The following NIPBL variants were observed in gnomAD, a reference collection of about 807,000 sequenced individuals.
The protein encoded by NIPBL is NIPBL cohesin loading factor.
A neutral mutation model predicts 321.8 loss-of-function variants in NIPBL; 19 were observed. The observed-to-expected ratio is 0.06, with a 90% CI of 0.04 to 0.09. The LOEUF is 0.09. Among genes scored for constraint, NIPBL ranks in the 10% least tolerant of loss-of-function variants. NIPBL has a pLI of 1.00. For missense variants in NIPBL, 2,210 were observed against 3,327.0 expected (o/e 0.66, Z 8.26); for synonymous variants, 1,106 against 1,114.1 (o/e 0.99, Z 0.14).
At chr5:36,894,815 A>G (rs1024160286) in intron 1 of NIPBL, among the ~76,000 whole-genome samples, 1 of 152,172 alleles carries the variant, frequency 6.6e-6, no homozygotes, top group Non-Finnish European at 1.5e-5. Flanking sequence ...CTTACTGTAT[A>G]TCAAGCTAAA....
chr5:36,897,514 T>C (rs545213432), intron 1 of NIPBL, among the ~76,000 whole-genome samples: 164 of 152,328 alleles, frequency 1.1e-3, no homozygotes, highest in African/African-American at 3.8e-3. Context: ...TCAACAGTGT[T>C]ATAAGAAAGA....
intron 1 of NIPBL, among the ~76,000 whole-genome samples, chr5:36,929,169 G>C (rs548352980): frequency 6.6e-6 from 1 of 152,176 alleles, no homozygotes; most frequent in African/African-American, 2.4e-5. Flanking sequence ...AGTTAATAGT[G>C]TCTTTTTTTA....
chr5:37,065,088 T>C lies in NIPBL; in HGVS notation c.*196T>C, dbSNP rs1755247967. On this transcript the variant is annotated 3_prime_UTR_variant, in exon 47 of 47. Coordinates refer to ENST00000282516, the MANE Select transcript of NIPBL (RefSeq NM_133433.4). ...GCTGTTGTGCAGCAGAAACAGATTCTCAGTTCATTTTTACTCCCACTGTAT... is the reference window on the plus strand; with the variant it reads ...GCTGTTGTGCAGCAGAAACAGATTCCCAGTTCATTTTTACTCCCACTGTAT... 4.7e-6 allele frequency: 3 copies of C among 637,504 alleles called. No homozygotes were observed. The highest frequency in any genetic ancestry group is 8.1e-6 in the Non-Finnish European group (3 of 371,350). 39.5% of individuals were successfully genotyped at this position (637,504 alleles called of 1,614,324 possible).
chr5:37,026,132 T>C lies in NIPBL; in HGVS notation c.5710-97T>C, dbSNP rs143282532. 4.2e-6 allele frequency: 3 copies of C among 711,664 alleles called. No homozygotes were observed. In the African/African-American group the frequency reaches 5.3e-5, roughly 13 times the overall value. The allele number at this position is 711,664 out of a possible 1,614,324, so 44.1% of individuals were successfully genotyped here. ...TCCTGGCAGTTTGTGTTTTGATTAG[T>C]TATTTATAGCTTTGTGTTGGGCCTA... On this transcript the variant is annotated intron_variant, in intron 30 of 46. Coordinates refer to ENST00000282516, the MANE Select transcript of NIPBL (RefSeq NM_133433.4).
chr5:37,047,511 A>ATT (rs1293933196), intron 38 of NIPBL, among the ~76,000 whole-genome samples: 10 of 152,346 alleles, frequency 6.6e-5, no homozygotes, highest in African/African-American at 1.9e-4. Flanking sequence ...TCATTTACTA[A>ATT]GGAGTTAAAT....
At position 37,022,297 on chromosome 5, in the gene NIPBL, C is replaced by T. The variant is rs1749738442; in HGVS notation, c.5481C>T (p.Val1827=). ...GATTGATGGATAATTCGACTAGTGT[C>T]CGAGAAGCAGCAGTAGAATTACTAG... is the stretch of plus-strand genomic sequence containing the variant. ...HGRLMDNSTS[V]REAAVELLGR... The change falls in exon 29 of 47, where the codon GTC becomes GTT. Residue 1827 remains valine, a synonymous_variant. Coordinates refer to ENST00000282516, the MANE Select transcript of NIPBL (RefSeq NM_133433.4). 2 of 1,613,774 alleles carry T rather than the reference C, an allele frequency of 1.2e-6. No individual in the cohort carries two copies. The highest frequency in any genetic ancestry group is 1.7e-6 in the Non-Finnish European group (2 of 1,179,956).
chr5:37,002,391 TGAGG>T (rs1746918784), intron 14 of NIPBL, among the ~76,000 whole-genome samples: 1 of 152,194 alleles, frequency 6.6e-6, no homozygotes, highest in South Asian at 2.1e-4. Flanking sequence ...GTCAGCCTCC[TGAGG>T]CAGAGAATGT....
chr5:37,043,922 G>C (rs1186617242), intron 34 of NIPBL, among the ~76,000 whole-genome samples: 1 of 152,178 alleles, frequency 6.6e-6, no homozygotes, highest in Non-Finnish European at 1.5e-5. Context: ...AATGTCTCCA[G>C]ATACTGCCAA....
In NIPBL at chr5:37,019,359, G is replaced by T; in HGVS notation, c.4969G>T (p.Asp1657Tyr). Residue 1657 changes from aspartate (D) to tyrosine (Y), a missense_variant, in exon 25 of 47, where the codon GAT becomes TAT. This residue lies in a region of NIPBL where 138 missense variants were observed against 175.8 expected (regional missense o/e 0.79). Coordinates refer to ENST00000282516, the MANE Select transcript of NIPBL (RefSeq NM_133433.4). ...EIQQLQKALL[D>Y]YLDENTETDP... Reference sequence around the variant, plus strand: ...CCAACAATTACAAAAAGCATTGCTTGATTACTTGGATGAAAACACTGAGAC... The same window carrying T: ...CCAACAATTACAAAAAGCATTGCTTTATTACTTGGATGAAAACACTGAGAC... 6.2e-7 allele frequency: 1 copy of T among 1,613,320 alleles called. No homozygotes were observed. The highest frequency in any genetic ancestry group is 1.1e-5 in the South Asian group (1 of 91,056).
intron 16 of NIPBL, among the ~76,000 whole-genome samples, chr5:37,003,977 G>A (rs1747120207): frequency 6.6e-6 from 1 of 152,102 alleles, no homozygotes; most frequent in African/African-American, 2.4e-5. Flanking sequence ...AATTCTTTTT[G>A]TTGAGCTTCC....
chr5:36,969,538 C>T (rs914079735), intron 6 of NIPBL, among the ~76,000 whole-genome samples: 1 of 152,162 alleles, frequency 6.6e-6, no homozygotes, highest in Non-Finnish European at 1.5e-5. Context: ...ATTAATGATG[C>T]AGTTGTTCAT....
chr5:36,881,269 T>G (rs1048514965), intron 1 of NIPBL, among the ~76,000 whole-genome samples: 5 of 151,590 alleles, frequency 3.3e-5, no homozygotes, highest in Non-Finnish European at 3.0e-5. Flanking sequence ...GTAATAAAAG[T>G]AATTTTAGGT....
chr5:36,885,940 C>A, intron 1 of NIPBL: 1 of 736,400 alleles, frequency 1.4e-6, no homozygotes, highest in South Asian at 1.4e-5. Flanking sequence ...AGGACCTCGC[C>A]AAGATCATGG....
At chr5:37,019,636 T>C (rs968347117) in intron 25 of NIPBL, among the ~76,000 whole-genome samples, 5 of 152,200 alleles carry the variant, frequency 3.3e-5, no homozygotes, top group Admixed American at 3.3e-4. Context: ...AGAGAAATAT[T>C]TGGAAGTCTC....
intron 21 of NIPBL, among the ~76,000 whole-genome samples, chr5:37,013,082 G>A (rs529258237): frequency 4.7e-5 from 7 of 149,476 alleles, no homozygotes; most frequent in East Asian, 2.0e-4. Context: ...GCAGCTGGCC[G>A]GGCAGAGGGG....
At chr5:37,010,257 A>T in intron 21 of NIPBL, 32 bp downstream of exon 21, 1 of 1,485,992 alleles carries the variant, frequency 6.7e-7, no homozygotes, top group Non-Finnish European at 9.4e-7. Context: ...TTACAACTGT[A>T]CTTTTATTGA....
chr5:37,064,658 A>C lies in NIPBL; in HGVS notation c.8181A>C (p.Val2727=), dbSNP rs1755211820. 3.1e-6 allele frequency: 5 copies of C among 1,614,110 alleles called. No individual in the cohort carries two copies. Among genetic ancestry groups the C allele is most frequent in the Non-Finnish European group, 4.2e-6 (5 of 1,180,050 alleles). The change falls in exon 47 of 47, where the codon GTA becomes GTC. Residue 2727 remains valine, a synonymous_variant. Transcript: ENST00000282516. The part of the protein sequence containing the change: ...KYKDRPQIAR[V]VQKTSSGFSV... ...AAGATCGACCACAAATTGCAAGAGT[A>C]GTGCAGAAAACCAGCAGTGGCTTCA...
At chr5:36,880,296 C>T (rs1266249552) in intron 1 of NIPBL, among the ~76,000 whole-genome samples, 3 of 151,946 alleles carry the variant, frequency 2.0e-5, no homozygotes, top group South Asian at 2.1e-4. Flanking sequence ...TGAAATACCC[C>T]ATTGTGGTAT....
chr5:36,948,703 G>A (rs949578982), intron 1 of NIPBL, among the ~76,000 whole-genome samples: 5 of 151,854 alleles, frequency 3.3e-5, no homozygotes, highest in Admixed American at 1.3e-4. Context: ...CTTACTCATT[G>A]TAATCTTGTA....
Sources: allele counts gnomAD v4.1 joint callset (sites outside exome capture counted in the v4.1 genomes callset), GRCh38; gene constraint gnomAD v4.1.1; regional missense constraint gnomAD v4.1.1; transcripts MANE v1.5; gene names NCBI Gene and HGNC (gene_info 2026-07-23, HGNC 2026-07-21).